Variants in SGK1 observed in about 807,000 individuals in gnomAD.
SGK1 encodes serum/glucocorticoid regulated kinase 1, also known as serine/threonine-protein kinase Sgk1.
A neutral mutation model predicts 64.2 loss-of-function variants in SGK1; 26 were observed. The ratio of observed to expected loss-of-function variants is 0.40; its 90% CI spans 0.30 to 0.56. SGK1 has a LOEUF of 0.56. Among genes scored for constraint, SGK1 ranks in the 20% least tolerant of loss-of-function variants. The pLI is 0.38. For missense variants in SGK1, 519 were observed against 645.6 expected (o/e 0.80, Z 2.12); for synonymous variants, 265 against 239.7 (o/e 1.11, Z -0.98).
chr6:134,199,130 G>A (rs1775640068), intron 3 of SGK1, among the ~76,000 whole-genome samples: 1 of 152,108 alleles, frequency 6.6e-6, no homozygotes, highest in Non-Finnish European at 1.5e-5. Context: ...CACAAAGACG[G>A]AAACAACAGA....
intron 3 of SGK1, among the ~76,000 whole-genome samples, chr6:134,175,104 C>T (rs540892281): frequency 2.0e-5 from 3 of 152,248 alleles, no homozygotes; most frequent in African/African-American, 4.8e-5. Context: ...TATCAGTCTC[C>T]ATCGGCTCCT....
At chr6:134,305,295 G>C (rs754092392) in intron 1 of SGK1, among the ~76,000 whole-genome samples, 50 of 145,810 alleles carry the variant, frequency 3.4e-4, no homozygotes, top group Non-Finnish European at 6.4e-4. Flanking sequence ...AGAGGCGGAG[G>C]TTGCAGTGAA....
chr6:134,212,069 G>C (rs1775899957), intron 2 of SGK1, among the ~76,000 whole-genome samples: 1 of 147,558 alleles, frequency 6.8e-6, no homozygotes. Context: ...GTTTTTTTTG[G>C]GGGGGACGGA....
chr6:134,283,854 C>T (rs887264911), intron 1 of SGK1, among the ~76,000 whole-genome samples: 5 of 109,134 alleles, frequency 4.6e-5, no homozygotes, highest in Non-Finnish European at 6.7e-5. Context: ...CAGAACAAGA[C>T]GCTGTCCCCT....
At chr6:134,197,781 G>C (rs1763519) in intron 3 of SGK1, among the ~76,000 whole-genome samples, 69,959 of 150,372 alleles carry the variant, frequency 0.47, 18,898 homozygotes, top group Non-Finnish European at 0.61. Context: ...AACTGAGATC[G>C]CGCCACTGAG....
At chr6:134,230,615 C>T (rs1485648748) in intron 2 of SGK1, 1 of 152,170 alleles carries the variant, frequency 6.6e-6, no homozygotes, top group Non-Finnish European at 1.5e-5. Context: ...TCCACCTGGT[C>T]TCTCCTTGCC....
chr6:134,183,386 G>A (rs959518687), intron 3 of SGK1, among the ~76,000 whole-genome samples: 11 of 152,094 alleles, frequency 7.2e-5, no homozygotes, highest in Admixed American at 4.6e-4. Context: ...CTGCCATATC[G>A]AATGCTAGAA....
chr6:134,230,673 G>C (rs1582729720), intron 2 of SGK1, among the ~76,000 whole-genome samples: 1 of 152,106 alleles, frequency 6.6e-6, no homozygotes, highest in Non-Finnish European at 1.5e-5. Flanking sequence ...TAGGCTTTCT[G>C]TTCAGGTGGG....
chr6:134,277,640 T>C (rs1188194165), intron 1 of SGK1, among the ~76,000 whole-genome samples: 1 of 152,118 alleles, frequency 6.6e-6, no homozygotes, highest in Non-Finnish European at 1.5e-5. Flanking sequence ...TACAGTATTG[T>C]TCCTCAAAGA....
At position 134,271,097 on chromosome 6, in the gene SGK1, A is replaced by T. The variant is rs1776934176; in HGVS notation, c.70-8949T>A. Among the ~76,000 whole-genome samples the T allele has an allele frequency of 1.5e-5, 2 of 131,098 alleles. 1 individual carries two copies. Among genetic ancestry groups the T allele is most frequent in the Non-Finnish European group, 3.6e-5 (2 of 55,296 alleles). The allele number at this position is 131,098 out of a possible 152,430, so 86.0% of individuals were successfully genotyped here. On this transcript the variant is annotated intron_variant, in intron 1 of 13. Transcript: ENST00000367858. ...TTTGGGAGGCCGAGGCAGGCAGATC[A>T]CCTAAGGTCAGGAGTTTGAGACCAG... is the stretch of plus-strand genomic sequence containing the variant.
chr6:134,173,899 G>C (rs1377828594), intron 5 of SGK1, 106 bp downstream of exon 5: 1 of 753,754 alleles, frequency 1.3e-6, no homozygotes, highest in East Asian at 2.6e-5. Context: ...AAGCATTCCT[G>C]CCTTGATACT....
At chr6:134,282,280 A>G (rs1016382650) in intron 1 of SGK1, among the ~76,000 whole-genome samples, 1 of 152,146 alleles carries the variant, frequency 6.6e-6, no homozygotes, top group African/African-American at 2.4e-5. Flanking sequence ...CAAACTAGGA[A>G]CGCTCTAAGA....
rs71545087 is a variant in SGK1, at chr6:134,189,205, GGTGT to G, written c.362-14623_362-14620del. Among the ~76,000 whole-genome samples the G allele has an allele frequency of 3.8e-4, 56 of 148,216 alleles. No individual in the cohort carries two copies. The South Asian group carries it at 7.2e-3, about 19-fold the overall frequency. ...GCATATTAACTACCTCTTTTATACA[GGTGT>G]GTGTGTGTGTGTGTGTGTGCGTGTG... On this transcript the variant is annotated intron_variant, in intron 3 of 13. Coordinates refer to ENST00000367858, the MANE Select transcript of SGK1 (RefSeq NM_001143676.3).
At chr6:134,261,804 G>C in intron 2 of SGK1, 129 bp downstream of exon 2, 1 of 715,318 alleles carries the variant, frequency 1.4e-6, no homozygotes, top group East Asian at 2.6e-5. Flanking sequence ...ACAATTCTAG[G>C]TCTTCCTCAG....
intron 3 of SGK1, among the ~76,000 whole-genome samples, chr6:134,188,550 T>C (rs1775457793): frequency 6.6e-6 from 1 of 152,170 alleles, no homozygotes; most frequent in Non-Finnish European, 1.5e-5. Flanking sequence ...TATGATAGCA[T>C]CAGTAATTCA....
intron 2 of SGK1, among the ~76,000 whole-genome samples, chr6:134,244,145 C>T (rs1776489789): frequency 6.6e-6 from 1 of 151,966 alleles, no homozygotes; most frequent in Non-Finnish European, 1.5e-5. Flanking sequence ...CTGACAGGCC[C>T]TGGTGTGTGA....
intron 4 of SGK1, 63 bp downstream of exon 4, chr6:134,174,448 G>T: frequency 1.6e-6 from 2 of 1,222,836 alleles, no homozygotes; most frequent in Non-Finnish European, 1.2e-6. Context: ...GCCGTGATGA[G>T]AATGTTTACC....
chr6:134,255,393 A>C (rs1776668003), intron 2 of SGK1, among the ~76,000 whole-genome samples: 1 of 151,842 alleles, frequency 6.6e-6, no homozygotes, highest in Non-Finnish European at 1.5e-5. Context: ...AAAAGGTAAG[A>C]GATTCCCAGC....
At chr6:134,261,384 G>A (rs139131172) in intron 2 of SGK1, 18 of 165,074 alleles carry the variant, frequency 1.1e-4, no homozygotes, top group African/African-American at 3.6e-4. Flanking sequence ...TTGGACCCAC[G>A]TAAAACATTA....
Sources: gnomAD v4.1 joint callset for allele counts (sites outside exome capture counted in the v4.1 genomes callset) on GRCh38, gnomAD v4.1.1 for gene constraint, MANE v1.5 for transcripts, NCBI Gene and HGNC (gene_info 2026-07-23, HGNC 2026-07-21) for gene names.